Variants in MID1 observed in about 807,000 individuals in gnomAD.
MID1 encodes E3 ubiquitin-protein ligase Midline-1.
In MID1, 7 loss-of-function variants were observed where a neutral mutation model predicts 40.4. The ratio of observed to expected loss-of-function variants is 0.17; its 90% confidence interval spans 0.10 to 0.33. The LOEUF (loss-of-function observed/expected upper bound fraction) is 0.33, where lower values mean the gene tolerates loss of function less well. MID1 is among the 10% of genes least tolerant of loss of function. The pLI is 1.00. For synonymous variants in MID1, 229 were observed against 221.2 expected (o/e 1.04, Z -0.31); for missense variants, 367 against 558.5 (o/e 0.66, Z 3.46).
intron 1 of MID1, among the ~76,000 whole-genome samples, chrX:10,778,409 T>C (rs1350086276): frequency 8.9e-6 from 1 of 111,844 alleles, no homozygotes; most frequent in Non-Finnish European, 1.9e-5. Context: ...TATCTGTTTG[T>C]TTATCTCTTG....
intron 1 of MID1, among the ~76,000 whole-genome samples, chrX:10,605,641 G>A (rs1219254476): frequency 9.0e-6 from 1 of 111,697 alleles, no homozygotes; most frequent in Non-Finnish European, 1.9e-5. Flanking sequence ...TTTAAAATGT[G>A]CATTTTCAAA....
chrX:10,703,779 G>T (rs1174392840), intron 1 of MID1, among the ~76,000 whole-genome samples: 1 of 112,323 alleles, frequency 8.9e-6, no homozygotes, highest in African/African-American at 3.2e-5. Flanking sequence ...AGTAAGATGT[G>T]ATTGAAGAAT....
intron 1 of MID1, among the ~76,000 whole-genome samples, chrX:10,655,068 C>A (rs2042861142): frequency 8.9e-6 from 1 of 111,950 alleles, no homozygotes; most frequent in Non-Finnish European, 1.9e-5. Flanking sequence ...GGAAATAAAT[C>A]AAATTTTCCT....
chrX:10,783,882 T>G (rs1192074740), intron 1 of MID1, among the ~76,000 whole-genome samples: 1 of 101,221 alleles, frequency 9.9e-6, no homozygotes, highest in Non-Finnish European at 1.9e-5. Context: ...TTGTAGCTCT[T>G]TTTTTTAAAA....
intron 1 of MID1, among the ~76,000 whole-genome samples, chrX:10,719,222 A>G (rs1455977807): frequency 9.0e-6 from 1 of 110,512 alleles, no homozygotes; most frequent in Non-Finnish European, 1.9e-5. Flanking sequence ...GAAGGAAATA[A>G]AGGGTATTCA....
At chrX:10,489,450 G>A (rs2147310601) in intron 4 of MID1, among the ~76,000 whole-genome samples, 1 of 112,113 alleles carries the variant, frequency 8.9e-6, no homozygotes, top group Admixed American at 9.4e-5. Flanking sequence ...CTTACATACA[G>A]ATATCCAATT....
chrX:10,484,427 TTTC>T (rs201472670), intron 4 of MID1, among the ~76,000 whole-genome samples: 1,634 of 112,499 alleles, frequency 0.015, 21 homozygotes, highest in African/African-American at 0.027. Context: ...TGAACTCCAG[TTTC>T]TTCTTTTCTT....
chrX:10,455,175 G>A (rs960530808), intron 8 of MID1, 98 bp from the exon 9 acceptor site: 11 of 745,230 alleles, frequency 1.5e-5, no homozygotes, highest in African/African-American at 2.1e-5. Flanking sequence ...TTAAAAGACA[G>A]GAACAAGCCA....
chrX:10,572,363 A>T (rs1934760056), intron 1 of MID1, among the ~76,000 whole-genome samples: 1 of 110,452 alleles, frequency 9.1e-6, no homozygotes, highest in African/African-American at 3.3e-5. Flanking sequence ...CAGCCTGGCT[A>T]ACGTGGTGAA....
intron 1 of MID1, among the ~76,000 whole-genome samples, chrX:10,755,865 AGGTGGGGAAACT>A (rs1442478607): frequency 8.9e-6 from 1 of 112,152 alleles, no homozygotes; most frequent in East Asian, 2.8e-4. Flanking sequence ...AACAAAATTG[AGGTGGGGAAACT>A]GGTGGAAAGG....
At chrX:10,480,874 A>G (rs1295909960) in intron 5 of MID1, among the ~76,000 whole-genome samples, 4 of 112,451 alleles carry the variant, frequency 3.6e-5, no homozygotes, top group Non-Finnish European at 7.5e-5. Context: ...ATTACTCTTT[A>G]AGAAGAGTGA....
intron 1 of MID1, among the ~76,000 whole-genome samples, chrX:10,694,717 G>A (rs1020143697): frequency 2.7e-5 from 3 of 111,998 alleles, no homozygotes; most frequent in Non-Finnish European, 5.6e-5. Flanking sequence ...GCTGGATTGC[G>A]AATTTTACAA....
chrX:10,823,731 A>T (rs2044194848), intron 1 of MID1, among the ~76,000 whole-genome samples: 1 of 110,978 alleles, frequency 9.0e-6, no homozygotes, highest in Admixed American at 9.6e-5. Flanking sequence ...TGACCCCAGT[A>T]AATAAAACAA....
At chrX:10,686,685 C>A (rs1227874627) in intron 1 of MID1, among the ~76,000 whole-genome samples, 1 of 111,792 alleles carries the variant, frequency 8.9e-6, no homozygotes, top group Non-Finnish European at 1.9e-5. Context: ...TACTAGAGAT[C>A]CACATCAGTA....
chrX:10,605,531 C>A (rs1042641625), intron 1 of MID1, among the ~76,000 whole-genome samples: 5 of 111,741 alleles, frequency 4.5e-5, no homozygotes, highest in Non-Finnish European at 3.8e-5. Context: ...TCTTTGTAAT[C>A]CTATAAACAA....
intron 1 of MID1, among the ~76,000 whole-genome samples, chrX:10,588,972 G>C (rs1935204760): frequency 1.8e-5 from 2 of 111,355 alleles, no homozygotes; most frequent in Admixed American, 9.6e-5. Flanking sequence ...ATCCTTTCTT[G>C]AAATTTTTCA....
At chrX:10,547,721 T>C (rs1385249288) in intron 2 of MID1, among the ~76,000 whole-genome samples, 1 of 110,398 alleles carries the variant, frequency 9.1e-6, no homozygotes, top group African/African-American at 3.3e-5. Context: ...AAACCAGGCA[T>C]TCTACTCAAT....
intron 1 of MID1, among the ~76,000 whole-genome samples, chrX:10,692,898 T>C (rs772531011): frequency 9.0e-6 from 1 of 111,555 alleles, no homozygotes; most frequent in Admixed American, 9.6e-5. Context: ...TCTCCTTCAG[T>C]CTTTAGTTGA....
intron 2 of MID1, among the ~76,000 whole-genome samples, chrX:10,524,139 A>T (rs1374506891): frequency 1.8e-5 from 2 of 112,157 alleles, no homozygotes; most frequent in Non-Finnish European, 3.8e-5. Context: ...ACCACTCATT[A>T]TCCTGCATAA....
Sources: gnomAD v4.1 joint callset for allele counts (sites outside exome capture counted in the v4.1 genomes callset) on GRCh38, gnomAD v4.1.1 for gene constraint, MANE v1.5 for transcripts, NCBI Gene and HGNC (gene_info 2026-07-23, HGNC 2026-07-21) for gene names.